Variants in SLF2 observed in about 807,000 individuals in gnomAD.
SLF2 encodes the protein SMC5-SMC6 complex localization factor protein 2.
SLF2 carries 68 observed loss-of-function variants against 124.3 expected under a neutral mutation model. That is an observed-to-expected ratio of 0.55 (90% CI 0.45 to 0.67). The LOEUF (loss-of-function observed/expected upper bound fraction) is 0.67, where lower values mean the gene tolerates loss of function less well. Among genes scored for constraint, SLF2 ranks in the 30% least tolerant of loss-of-function variants. The pLI, the probability that SLF2 is intolerant of heterozygous loss-of-function variation, is 0.00. For missense variants in SLF2, 1,246 were observed against 1,373.7 expected, an observed-to-expected ratio of 0.91 and a Z score of 1.47; for synonymous variants, 480 against 478.8, an observed-to-expected ratio of 1.00 and a Z score of -0.03.
chr10:100,944,494 CAA>C (rs34072572), intron 12 of SLF2, among the ~76,000 whole-genome samples: 6 of 100,656 alleles, frequency 6.0e-5, no homozygotes, highest in Admixed American at 2.2e-4. Context: ...GACTCTGTCT[CAA>C]AAAAAAAAAA....
rs181832694 is a variant in SLF2 at position 100,950,678 on chromosome 10, A to G, written c.3255A>G (p.Ala1085=). Residue 1085 remains alanine, a splice_region_variant and synonymous_variant, in exon 17 of 20, where the codon GCA becomes GCG. Coordinates refer to ENST00000238961, the MANE Select transcript of SLF2 (RefSeq NM_018121.4). The part of the protein sequence containing the change: ...DSLHLELEKQ[A]YYLTYILLHL... ...AATTTTATTCATTTCTCTAACAGGC[A>G]TATTACCTGACCTACATTCTTCTTC... 303 of 1,612,642 alleles carry G rather than the reference A, an allele frequency of 1.9e-4. 4 individuals carry two copies. In the Admixed American group the frequency reaches 5.0e-3, roughly 27 times the overall value.
In SLF2 at chr10:100,962,563, C is replaced by T. The variant is rs971882569; in HGVS notation, c.*651C>T. The T allele has an allele frequency of 7.5e-4, 114 of 152,596 alleles. No individual in the cohort carries two copies. Among genetic ancestry groups the T allele is most frequent in the African/African-American group, 2.6e-3 (109 of 41,438 alleles). The allele number at this position is 152,596 out of a possible 1,614,324, so 9.5% of individuals were successfully genotyped here. A position where few individuals can be genotyped will look rare whatever the true frequency, so the allele number is the denominator to read the frequency against. On this transcript the variant is annotated 3_prime_UTR_variant, in exon 20 of 20. Coordinates refer to ENST00000238961, the MANE Select transcript of SLF2 (RefSeq NM_018121.4). ...AAAGTTTGGCATGTTGTCAGATCCC[C>T]TTAAGAGGAAGAGGTTAAGCTGTAA... is the stretch of plus-strand genomic sequence containing the variant.
chr10:100,930,634 CATG>C (rs1344313313), intron 8 of SLF2, among the ~76,000 whole-genome samples: 1 of 152,178 alleles, frequency 6.6e-6, no homozygotes, highest in African/African-American at 2.4e-5. Context: ...TCTCTCAGTG[CATG>C]ATATCTCAGC....
chr10:100,930,390 A>G (rs963696089), intron 8 of SLF2, among the ~76,000 whole-genome samples: 3 of 152,208 alleles, frequency 2.0e-5, no homozygotes, highest in African/African-American at 7.2e-5. Flanking sequence ...TCCAGCCTTT[A>G]GTTCAAATTC....
rs11816663 is a variant in SLF2, at chr10:100,920,215, G to A, written c.973+1774G>A. Among the ~76,000 whole-genome samples the A allele has an allele frequency of 4.0e-3, 604 of 152,320 alleles. 6 individuals are homozygous for A. The highest frequency in any genetic ancestry group is 0.014 in the African/African-American group (590 of 41,586). On this transcript the variant is annotated intron_variant, in intron 4 of 19. Transcript: ENST00000238961. Reference sequence around the variant, plus strand: ...AAATACATGATCACCTTGCACCAAAGTTAATGGAAGAACAAAATATTATTT... The same window carrying A: ...AAATACATGATCACCTTGCACCAAAATTAATGGAAGAACAAAATATTATTT...
At chr10:100,944,215 GC>G in intron 12 of SLF2, 87 bp downstream of exon 12, 1 of 851,476 alleles carries the variant, frequency 1.2e-6, no homozygotes, top group Non-Finnish European at 1.7e-6. Flanking sequence ...AAAAGTCTCG[GC>G]CGGGCGCGGT....
rs1382726797 is a variant in SLF2 at position 100,964,492 on chromosome 10, C to T, written c.*2580C>T. 1 of 152,570 alleles carries T rather than the reference C, an allele frequency of 6.6e-6. No homozygotes were observed. Among genetic ancestry groups the T allele is most frequent in the Admixed American group, 6.5e-5 (1 of 15,270 alleles). The allele number at this position is 152,570 out of a possible 1,614,324, so 9.5% of individuals were successfully genotyped here. ...CATGCACAAAATGCATTGATGTAGC[C>T]GTAAAGTAACAGCATTTGTACATTT... On this transcript the variant is annotated 3_prime_UTR_variant, in exon 20 of 20. Transcript: ENST00000238961.
At chr10:100,957,950 G>A (rs1482162500) in intron 18 of SLF2, among the ~76,000 whole-genome samples, 6 of 152,198 alleles carry the variant, frequency 3.9e-5, no homozygotes, top group Admixed American at 3.9e-4. Flanking sequence ...TCAGGAGGCT[G>A]AGGAAGGAGA....
chr10:100,920,994 G>T (rs1849515172), intron 4 of SLF2, among the ~76,000 whole-genome samples: 1 of 152,056 alleles, frequency 6.6e-6, no homozygotes, highest in Non-Finnish European at 1.5e-5. Context: ...GATATGTCTT[G>T]TTCATCTTGT....
intron 11 of SLF2, among the ~76,000 whole-genome samples, chr10:100,940,133 C>T (rs749135518): frequency 3.9e-5 from 6 of 152,176 alleles, no homozygotes; most frequent in Non-Finnish European, 8.8e-5. Context: ...ATTTAGTGAA[C>T]TCAGTAGTGT....
intron 11 of SLF2, 196 bp from the exon 12 acceptor site, chr10:100,943,830 A>C (rs1392723624): frequency 8.9e-6 from 4 of 450,606 alleles, no homozygotes; most frequent in Non-Finnish European, 1.6e-5. Context: ...GGGGAATGGA[A>C]ATGTTCTATT....
At chr10:100,928,485 A>G (rs1309328081) in intron 6 of SLF2, among the ~76,000 whole-genome samples, 1 of 152,222 alleles carries the variant, frequency 6.6e-6, no homozygotes, top group Non-Finnish European at 1.5e-5. Context: ...GAAAGACAGT[A>G]GTACTAGTTT....
At chr10:100,934,736 T>C (rs1849811253) in intron 9 of SLF2, among the ~76,000 whole-genome samples, 1 of 151,748 alleles carries the variant, frequency 6.6e-6, no homozygotes. Context: ...CCTCAGCCTC[T>C]TAAGTAGCTG....
At chr10:100,950,650 G>C in intron 16 of SLF2, 26 bp from the exon 17 acceptor site, 3 of 1,576,846 alleles carry the variant, frequency 1.9e-6, no homozygotes, top group Non-Finnish European at 2.6e-6. Context: ...ATTCATAGGT[G>C]TTAATTTTAT....
At chr10:100,942,720 T>C (rs2133807071) in intron 11 of SLF2, among the ~76,000 whole-genome samples, 1 of 152,296 alleles carries the variant, frequency 6.6e-6, no homozygotes, top group East Asian at 1.9e-4. Flanking sequence ...GGTTTCACCA[T>C]GTTGGCCAGG....
At chr10:100,949,228 C>T (rs1850164362) in intron 15 of SLF2, among the ~76,000 whole-genome samples, 1 of 152,168 alleles carries the variant, frequency 6.6e-6, no homozygotes. Context: ...GTTCTCATTC[C>T]TTTCATTGAT....
At chr10:100,929,255 A>C in intron 6 of SLF2, 62 bp from the exon 7 acceptor site, 1 of 1,469,584 alleles carries the variant, frequency 6.8e-7, no homozygotes, top group Non-Finnish European at 9.1e-7. Flanking sequence ...TTAGATATAA[A>C]CTAAAGACTT....
rs1207875787 is a variant in SLF2 at position 100,930,998 on chromosome 10, T to A, written c.2356T>A (p.Phe786Ile). 1 of 1,614,114 alleles carries A rather than the reference T, an allele frequency of 6.2e-7. No individual in the cohort carries two copies. The highest frequency in any genetic ancestry group is 8.5e-7 in the Non-Finnish European group (1 of 1,179,964). The change falls in exon 9 of 20, where the codon TTT becomes ATT. Residue 786 changes from phenylalanine to isoleucine, a missense_variant. Coordinates refer to ENST00000238961, the MANE Select transcript of SLF2 (RefSeq NM_018121.4). ...ILKSGKTDQI[F>I]LTTQGFLTSA... ...CAGATCGGGAAAAACAGATCAGATTTTTTTGACAACACAAGGTTTCCTTAC... is the reference window on the plus strand; with the variant it reads ...CAGATCGGGAAAAACAGATCAGATTATTTTGACAACACAAGGTTTCCTTAC...
intron 5 of SLF2, 30 bp from the exon 6 acceptor site, chr10:100,925,919 G>T (rs1346336877): frequency 3.9e-6 from 6 of 1,546,060 alleles, no homozygotes; most frequent in Non-Finnish European, 5.2e-6. Flanking sequence ...AAGACATGTG[G>T]TAAAGTATTT....
Sources: allele counts gnomAD v4.1 joint callset (sites outside exome capture counted in the v4.1 genomes callset), GRCh38; gene constraint gnomAD v4.1.1; transcripts MANE v1.5; gene names NCBI Gene and HGNC (gene_info 2026-07-23, HGNC 2026-07-21).